The following DCX variants were observed in gnomAD, a reference collection of about 807,000 sequenced individuals.
DCX encodes doublecortin.
In DCX, 4 loss-of-function variants were observed where a neutral mutation model predicts 20.9. That is an observed-to-expected ratio of 0.19 (90% CI 0.09 to 0.44). The LOEUF (loss-of-function observed/expected upper bound fraction) is 0.44, where lower values mean the gene tolerates loss of function less well. Among genes scored for constraint, DCX ranks in the 20% least tolerant of loss-of-function variants. The probability of loss-of-function intolerance (pLI) is 0.99; values close to 1 mark genes in which losing one functional copy is unlikely to be tolerated. For synonymous variants in DCX, 103 were observed against 111.4 expected, an observed-to-expected ratio of 0.92 and a Z score of 0.47; for missense variants, 133 against 296.9, an observed-to-expected ratio of 0.45 and a Z score of 4.06.
At chrX:111,337,365 T>C (rs773162004) in intron 3 of DCX, among the ~76,000 whole-genome samples, 1 of 110,747 alleles carries the variant, frequency 9.0e-6, no homozygotes, top group South Asian at 3.9e-4. Context: ...CATTGAACCA[T>C]TAACTCAATG....
intron 3 of DCX, among the ~76,000 whole-genome samples, chrX:111,333,871 C>T (rs1369417832): frequency 2.7e-5 from 3 of 111,953 alleles, no homozygotes; most frequent in African/African-American, 9.7e-5. Flanking sequence ...CCCCAACCCC[C>T]TTTCTGCACA....
chrX:111,406,705 G>T (rs1182622217), intron 2 of DCX, among the ~76,000 whole-genome samples: 1 of 112,396 alleles, frequency 8.9e-6, no homozygotes, highest in East Asian at 2.8e-4. Flanking sequence ...CATAGTATTT[G>T]ATTCAATTTA....
intron 3 of DCX, among the ~76,000 whole-genome samples, chrX:111,374,978 G>C (rs900211429): frequency 9.7e-6 from 1 of 102,655 alleles, no homozygotes; most frequent in African/African-American, 3.6e-5. Flanking sequence ...GACCTCAAGG[G>C]AGTTATAATG....
chrX:111,353,968 T>C (rs1923529509), intron 3 of DCX, among the ~76,000 whole-genome samples: 1 of 112,108 alleles, frequency 8.9e-6, no homozygotes, highest in Non-Finnish European at 1.9e-5. Flanking sequence ...CTCATACCAG[T>C]TACTTTTTGA....
intron 3 of DCX, among the ~76,000 whole-genome samples, chrX:111,390,512 C>A (rs1316481708): frequency 8.9e-6 from 1 of 112,030 alleles, no homozygotes; most frequent in Non-Finnish European, 1.9e-5. Flanking sequence ...TTCTACCTCA[C>A]AAATATTTCT....
In DCX at chrX:111,305,896, T is replaced by C. The variant is rs192324811; in HGVS notation, c.1045-4153A>G. On this transcript the variant is annotated intron_variant, in intron 6 of 6. Transcript: ENST00000636035. The stretch of plus-strand genomic sequence containing the variant: ...AAGTAGAGTGTATTAAAATGTAAAT[T>C]GTAATCCTCAGGGCAACCACTAAAA... 2.8e-3 allele frequency among the ~76,000 whole-genome samples: 306 copies of C among 111,087 alleles called. 1 individual carries two copies. Among genetic ancestry groups the C allele is most frequent in the African/African-American group, 8.6e-3 (264 of 30,631 alleles).
At chrX:111,321,275 G>A (rs1410182809) in intron 5 of DCX, among the ~76,000 whole-genome samples, 1 of 111,984 alleles carries the variant, frequency 8.9e-6, no homozygotes, top group Non-Finnish European at 1.9e-5. Context: ...AGTTCTCTGG[G>A]AAGATAGTAT....
rs2095029646 is a variant in DCX, at chrX:111,299,760, G to C, written c.*1927C>G. ...GGGCAAAAAGAGATCCTCATCATTT[G>C]GGGTTCTTCAATTTCACCAGAAACC... On this transcript the variant is annotated 3_prime_UTR_variant, in exon 7 of 7. Coordinates refer to ENST00000636035, the MANE Select transcript of DCX (RefSeq NM_001195553.2). 9.0e-6 allele frequency: 1 copy of C among 111,368 alleles called. No homozygotes were observed. Among genetic ancestry groups the C allele is most frequent in the African/African-American group, 3.3e-5 (1 of 30,609 alleles). 9.2% of individuals were successfully genotyped at this position (111,368 alleles called of 1,213,427 possible).
chrX:111,332,999 G>A lies in DCX; in HGVS notation c.808+52C>T. On this transcript the variant is annotated intron_variant, in intron 4 of 6. Transcript: ENST00000636035. ...CATACAAACCCATGGAAATCCTAAA[G>A]GATAGAAGGGGAGAGAACAATGGAG... 8.7e-6 allele frequency: 8 copies of A among 922,500 alleles called. No individual in the cohort carries two copies. In the South Asian group the frequency reaches 1.6e-4, roughly 19 times the overall value. The allele number at this position is 922,500 out of a possible 1,213,427, so 76.0% of individuals were successfully genotyped here. A position where few individuals can be genotyped will look rare whatever the true frequency, so the allele number is the denominator to read the frequency against.
intron 4 of DCX, among the ~76,000 whole-genome samples, chrX:111,332,009 G>A (rs1045234275): frequency 6.2e-5 from 7 of 112,706 alleles, no homozygotes; most frequent in African/African-American, 2.3e-4. Flanking sequence ...GCAGAGTAGA[G>A]GATATAGTCT....
intron 3 of DCX, among the ~76,000 whole-genome samples, chrX:111,368,901 T>TAC (rs200777698): frequency 0.018 from 1,742 of 98,184 alleles, 13 homozygotes; most frequent in East Asian, 0.04. Flanking sequence ...TATATATACA[T>TAC]ACACACACAC....
chrX:111,299,687 AAATGGGCTTATT>A lies in DCX; in HGVS notation c.*1988_*1999del, dbSNP rs749834465. 8 of 111,866 alleles carry A rather than the reference AAATGGGCTTATT, an allele frequency of 7.2e-5. No homozygotes were observed. Among genetic ancestry groups the A allele is most frequent in the Non-Finnish European group, 1.5e-4 (8 of 53,213 alleles). The allele number at this position is 111,866 out of a possible 1,213,427, so 9.2% of individuals were successfully genotyped here. A position where few individuals can be genotyped will look rare whatever the true frequency, so the allele number is the denominator to read the frequency against. On this transcript the variant is annotated 3_prime_UTR_variant, in exon 7 of 7. Coordinates refer to ENST00000636035, the MANE Select transcript of DCX (RefSeq NM_001195553.2). ...TCTAGAAAGAAATAGGGGCTTAGTA[AAATGGGCTTATT>A]AATGGTTTTGAATGGGTCTACAAAA...
intron 3 of DCX, among the ~76,000 whole-genome samples, chrX:111,384,881 G>T (rs1926260182): frequency 8.9e-6 from 1 of 112,514 alleles, no homozygotes; most frequent in African/African-American, 3.2e-5. Flanking sequence ...CAGAATGTTT[G>T]CATTGTGGAA....
rs186686088 is a variant in DCX at position 111,326,283 on chromosome X, C to T, written c.946+4621G>A. Among the ~76,000 whole-genome samples the T allele has an allele frequency of 3.6e-5, 4 of 110,122 alleles. No homozygotes were observed. In the East Asian group the frequency reaches 1.1e-3, roughly 31 times the overall value. On this transcript the variant is annotated intron_variant, in intron 5 of 6. Transcript: ENST00000636035. ...GTGGGTAATTAGCTTCCTTCGGGGG[C>T]TCCTTAAAAAAAAAGAAAGAAAGAG...
chrX:111,333,099 G>A lies in DCX; in HGVS notation c.760C>T (p.Pro254Ser). The stretch of plus-strand genomic sequence containing the variant: ...TCCTGAGCATAGCGAAATTTTTCAG[G>A]ACCACAGGCAATAAACACATCATCA... ...GDDDVFIACG[P>S]EKFRYAQDDF... Residue 254 changes from proline to serine, a missense_variant, in exon 4 of 7, where the codon CCT (proline) becomes TCT (serine). Coordinates refer to ENST00000636035, the MANE Select transcript of DCX (RefSeq NM_001195553.2). 1 of 1,210,826 alleles carries A rather than the reference G, an allele frequency of 8.3e-7. No individual in the cohort carries two copies. Among genetic ancestry groups the A allele is most frequent in the Admixed American group, 2.2e-5 (1 of 46,006 alleles).
At chrX:111,323,255 A>G (rs2095090937) in intron 5 of DCX, among the ~76,000 whole-genome samples, 1 of 111,920 alleles carries the variant, frequency 8.9e-6, no homozygotes, top group African/African-American at 3.3e-5. Context: ...TAGATTTGTG[A>G]TCCTGGGGCT....
At chrX:111,313,256 C>T (rs2095061651) in intron 5 of DCX, among the ~76,000 whole-genome samples, 1 of 110,583 alleles carries the variant, frequency 9.0e-6, no homozygotes, top group Admixed American at 9.7e-5. Flanking sequence ...CTGCTCATGC[C>T]ACACCATTGT....
intron 3 of DCX, among the ~76,000 whole-genome samples, chrX:111,354,519 T>C (rs1420347807): frequency 8.9e-6 from 1 of 111,950 alleles, no homozygotes; most frequent in African/African-American, 3.3e-5. Context: ...TGAAGACATC[T>C]AGGAGGAACA....
chrX:111,380,044 T>C (rs978541340), intron 3 of DCX, among the ~76,000 whole-genome samples: 7 of 111,577 alleles, frequency 6.3e-5, no homozygotes, highest in Middle Eastern at 9.2e-3. Context: ...TTTTTATTAT[T>C]GATGTGTAAG....
Sources: allele counts gnomAD v4.1 joint callset (sites outside exome capture counted in the v4.1 genomes callset), GRCh38; gene constraint gnomAD v4.1.1; transcripts MANE v1.5; gene names NCBI Gene and HGNC (gene_info 2026-07-23, HGNC 2026-07-21).